Variants in CLCN5 observed in about 807,000 individuals in gnomAD.
CLCN5 encodes Cl-/H+ antiporter 5.
In CLCN5, 17 loss-of-function variants were observed where a neutral mutation model predicts 54.0. The ratio of observed to expected loss-of-function variants is 0.31; its 90% CI spans 0.22 to 0.47. CLCN5 has a LOEUF of 0.47. Among genes scored for constraint, CLCN5 ranks in the 20% least tolerant of loss-of-function variants. CLCN5 has a pLI of 1.00. For synonymous variants in CLCN5, 222 were observed against 233.0 expected, an observed-to-expected ratio of 0.95 and a Z score of 0.43; for missense variants, 448 against 646.7, an observed-to-expected ratio of 0.69 and a Z score of 3.33.
chrX:49,942,286 A>G (rs1926393735), intron 3 of CLCN5, among the ~76,000 whole-genome samples: 1 of 105,790 alleles, frequency 9.5e-6, no homozygotes, highest in African/African-American at 3.5e-5. Flanking sequence ...GGCAATGAGT[A>G]TAGAATCTTC....
At chrX:49,935,296 C>G (rs1339587445) in intron 3 of CLCN5, among the ~76,000 whole-genome samples, 2 of 111,925 alleles carry the variant, frequency 1.8e-5, no homozygotes, top group African/African-American at 6.5e-5. Context: ...CAGCCATGAG[C>G]TTTTCCTGAA....
chrX:50,075,998 G>T lies in CLCN5; in HGVS notation c.603+16G>T. ...CACAGATGAGGTAACATGTAGTGAT[G>T]TTTTATGAGCCATTGACTTTTCTTC... On this transcript the variant is annotated intron_variant, in intron 7 of 14. Transcript: ENST00000376091. 8.5e-7 allele frequency: 1 copy of T among 1,179,631 alleles called. No individual in the cohort carries two copies. Among genetic ancestry groups the T allele is most frequent in the African/African-American group, 1.7e-5 (1 of 57,278 alleles).
intron 3 of CLCN5, among the ~76,000 whole-genome samples, chrX:49,962,467 G>A (rs1356050478): frequency 1.8e-5 from 2 of 111,423 alleles, no homozygotes; most frequent in African/African-American, 6.5e-5. Flanking sequence ...CCATAGCAGC[G>A]GCGAATCCCT....
At chrX:49,926,430 TACAA>T (rs1217108144) in intron 3 of CLCN5, among the ~76,000 whole-genome samples, 1 of 112,461 alleles carries the variant, frequency 8.9e-6, no homozygotes, top group Non-Finnish European at 1.9e-5. Flanking sequence ...AAGACAGACA[TACAA>T]ACAAATAATT....
At chrX:49,979,120 T>C (rs1557177335) in intron 3 of CLCN5, among the ~76,000 whole-genome samples, 1 of 111,609 alleles carries the variant, frequency 9.0e-6, no homozygotes, top group African/African-American at 3.3e-5. Flanking sequence ...TTTTTAATTG[T>C]ATGCTGAAAT....
At chrX:49,928,757 C>T (rs1191985571) in intron 3 of CLCN5, among the ~76,000 whole-genome samples, 4 of 111,684 alleles carry the variant, frequency 3.6e-5, no homozygotes, top group Non-Finnish European at 7.5e-5. Context: ...AACCCCGCCT[C>T]TACTAAATAT....
intron 4 of CLCN5, among the ~76,000 whole-genome samples, chrX:50,046,239 C>T (rs1328186371): frequency 8.9e-6 from 1 of 112,569 alleles, no homozygotes; most frequent in Non-Finnish European, 1.9e-5. Context: ...CCTCTGCAGC[C>T]TGCACCTTAT....
At chrX:50,054,951 G>C (rs1340957830) in intron 4 of CLCN5, among the ~76,000 whole-genome samples, 2 of 111,453 alleles carry the variant, frequency 1.8e-5, no homozygotes, top group African/African-American at 3.3e-5. Context: ...GCTTCAGGGG[G>C]TATGTGCCAT....
intron 7 of CLCN5, among the ~76,000 whole-genome samples, chrX:50,080,007 C>G (rs1933618868): frequency 9.0e-6 from 1 of 111,317 alleles, no homozygotes; most frequent in Non-Finnish European, 1.9e-5. Context: ...AACAATTTCG[C>G]TATATGTATA....
chrX:49,991,986 A>T (rs1362467290), intron 3 of CLCN5, among the ~76,000 whole-genome samples: 2 of 111,875 alleles, frequency 1.8e-5, no homozygotes, highest in East Asian at 5.6e-4. Flanking sequence ...GAGAGCATTG[A>T]CGCCATCTGT....
intron 3 of CLCN5, among the ~76,000 whole-genome samples, chrX:49,981,806 T>C (rs1361565013): frequency 3.6e-5 from 4 of 110,036 alleles, no homozygotes; most frequent in African/African-American, 1.3e-4. Flanking sequence ...TAATAAAGGT[T>C]CTCAAGATTC....
intron 3 of CLCN5, among the ~76,000 whole-genome samples, chrX:50,007,526 G>A (rs184747552): frequency 1.5e-3 from 159 of 108,710 alleles, no homozygotes; most frequent in African/African-American, 5.2e-3. Flanking sequence ...GTGAAGGGGC[G>A]TGAACTTTGT....
At chrX:49,938,462 C>T (rs1217276791) in intron 3 of CLCN5, among the ~76,000 whole-genome samples, 2 of 111,378 alleles carry the variant, frequency 1.8e-5, no homozygotes, top group Non-Finnish European at 3.8e-5. Flanking sequence ...TGGAACAGAA[C>T]AGAGCCCTCA....
At chrX:49,973,577 T>G (rs1209471509) in intron 3 of CLCN5, among the ~76,000 whole-genome samples, 4 of 108,267 alleles carry the variant, frequency 3.7e-5, no homozygotes, top group African/African-American at 1.4e-4. Flanking sequence ...AATTCACGTA[T>G]TATACAACCC....
rs1186780675 is a variant in CLCN5 at position 49,966,589 on chromosome X, C to CTT, written c.16+41296_16+41297dup. On this transcript the variant is annotated intron_variant, in intron 3 of 14. Transcript: ENST00000376091. ...TCTCATTGATTTTTATATCTCTGAT[C>CTT]TTTTTTTTTTTTTTTTTTTTTTATT... Among the ~76,000 whole-genome samples, 34 of 17,794 alleles carry CTT rather than the reference C, an allele frequency of 1.9e-3. 1 individual carries two copies. Among genetic ancestry groups the CTT allele is most frequent in the Non-Finnish European group, 2.5e-3 (31 of 12,524 alleles). The allele number at this position is 17,794 out of a possible 115,157, so 15.5% of individuals were successfully genotyped here. A position where few individuals can be genotyped will look rare whatever the true frequency, so the allele number is the denominator to read the frequency against.
At chrX:50,066,409 A>C (rs1338637193) in intron 4 of CLCN5, among the ~76,000 whole-genome samples, 2 of 111,535 alleles carry the variant, frequency 1.8e-5, no homozygotes, top group Non-Finnish European at 3.8e-5. Flanking sequence ...CACATTTCAT[A>C]AGGTTTTGTT....
chrX:49,927,789 A>G (rs782281471), intron 3 of CLCN5, among the ~76,000 whole-genome samples: 2 of 112,538 alleles, frequency 1.8e-5, no homozygotes, highest in Non-Finnish European at 3.7e-5. Flanking sequence ...GATAAAAAAC[A>G]TGTGTTACAT....
chrX:50,055,340 C>T (rs1932712347), intron 4 of CLCN5, among the ~76,000 whole-genome samples: 1 of 111,513 alleles, frequency 9.0e-6, no homozygotes, highest in South Asian at 3.8e-4. Context: ...ACCTGTAAAC[C>T]CACAGAGATT....
At position 50,064,167 on chromosome X, in the gene CLCN5, A is replaced by C. The variant is rs782533544; in HGVS notation, c.164-5712A>C. Among the ~76,000 whole-genome samples, 6 of 110,186 alleles carry C rather than the reference A, an allele frequency of 5.4e-5. No individual in the cohort carries two copies. The East Asian group carries it at 1.7e-3, about 31-fold the overall frequency. On this transcript the variant is annotated intron_variant, in intron 4 of 14. Transcript: ENST00000376091. ...GTTGGAAGTTCTGGCCAGGGCAATCAGGCAGGAGAAGGAGATAAAGGGTGT... is the reference window on the plus strand; with the variant it reads ...GTTGGAAGTTCTGGCCAGGGCAATCCGGCAGGAGAAGGAGATAAAGGGTGT...
Sources: allele counts gnomAD v4.1 joint callset (sites outside exome capture counted in the v4.1 genomes callset), GRCh38; gene constraint gnomAD v4.1.1; transcripts MANE v1.5; gene names NCBI Gene and HGNC (gene_info 2026-07-23, HGNC 2026-07-21).